The following WDR59 variants were observed in gnomAD, a reference collection of about 807,000 sequenced individuals.
WDR59 encodes the protein WD repeat domain 59.
A neutral mutation model predicts 131.2 loss-of-function variants in WDR59; 100 were observed. The observed-to-expected ratio is 0.76, with a 90% CI of 0.65 to 0.90. The LOEUF (loss-of-function observed/expected upper bound fraction) is 0.90, where lower values mean the gene tolerates loss of function less well. Among genes scored for constraint, WDR59 ranks in the 40% least tolerant of loss-of-function variants. The pLI is 0.00. For missense variants in WDR59, 1,203 were observed against 1,262.2 expected (o/e 0.95, Z 0.71); for synonymous variants, 601 against 466.2 (o/e 1.29, Z -3.72).
chr16:74,885,356 G>T (rs1333092218), intron 25 of WDR59, among the ~76,000 whole-genome samples: 1 of 132,420 alleles, frequency 7.6e-6, no homozygotes, highest in African/African-American at 2.6e-5. Context: ...GAGGCTTAGG[G>T]AGGAGAAGTT....
intron 20 of WDR59, among the ~76,000 whole-genome samples, chr16:74,890,142 T>C (rs13333082): frequency 0.015 from 2,321 of 152,290 alleles, 41 homozygotes; most frequent in African/African-American, 0.048. Context: ...CTAACTCATA[T>C]GACTTTTTAT....
chr16:74,893,706 A>G lies in WDR59; in HGVS notation c.1973T>C (p.Val658Ala). The change falls in exon 19 of 26, where the codon GTT (valine) becomes GCT (alanine). Residue 658 changes from valine (V) to alanine (A), a missense_variant. By Grantham distance (64) the Val-to-Ala change is moderately conservative. Transcript: ENST00000262144. ...GTACAGCTCTCCCAGCGATTTGTGA[A>G]CAGGCAGGAGGCAAGCAATATCCTG... ...IIQDIACLLP[V>A]HKSLGELYIL... The G allele has an allele frequency of 1.2e-6, 2 of 1,614,164 alleles. No individual in the cohort carries two copies. The highest frequency in any genetic ancestry group is 1.7e-6 in the Non-Finnish European group (2 of 1,180,016).
chr16:74,949,826 A>G, intron 4 of WDR59, 28 bp from the exon 5 acceptor site: 2 of 1,611,256 alleles, frequency 1.2e-6, no homozygotes, highest in Non-Finnish European at 1.7e-6. Context: ...AACAGAACAA[A>G]GAAAAGGAAA....
intron 25 of WDR59, among the ~76,000 whole-genome samples, chr16:74,874,892 GT>G (rs917317436): frequency 6.6e-6 from 1 of 151,354 alleles, no homozygotes; most frequent in Non-Finnish European, 1.5e-5. Flanking sequence ...TGCCCAGCCT[GT>G]TTTTTTTTGT....
chr16:74,930,955 G>A (rs11862983), intron 8 of WDR59, among the ~76,000 whole-genome samples: 44,747 of 147,490 alleles, frequency 0.3, 7,481 homozygotes, highest in African/African-American at 0.44. Flanking sequence ...GTAATGTCTC[G>A]GAGCAAGACT....
At chr16:74,924,625 T>C (rs2030593979) in intron 8 of WDR59, among the ~76,000 whole-genome samples, 1 of 152,188 alleles carries the variant, frequency 6.6e-6, no homozygotes, top group African/African-American at 2.4e-5. Flanking sequence ...CCACACAAAC[T>C]ACCTTAGAGA....
At chr16:74,932,099 T>G (rs2031443265) in intron 8 of WDR59, among the ~76,000 whole-genome samples, 1 of 150,644 alleles carries the variant, frequency 6.6e-6, no homozygotes, top group Admixed American at 6.7e-5. Context: ...TTATTTTATT[T>G]ATTTATTTTT....
At chr16:74,916,525 C>G (rs896977623) in intron 11 of WDR59, among the ~76,000 whole-genome samples, 3 of 152,100 alleles carry the variant, frequency 2.0e-5, no homozygotes, top group African/African-American at 7.2e-5. Flanking sequence ...AATTTAAACT[C>G]CAAGCTTTGA....
chr16:74,973,221 A>G (rs2034057234), intron 1 of WDR59, among the ~76,000 whole-genome samples: 1 of 152,200 alleles, frequency 6.6e-6, no homozygotes, highest in African/African-American at 2.4e-5. Flanking sequence ...AGCCTGAGCA[A>G]CAAGAGCAAA....
chr16:74,974,098 A>G (rs1372760690), intron 1 of WDR59, among the ~76,000 whole-genome samples: 1 of 152,234 alleles, frequency 6.6e-6, no homozygotes, highest in Non-Finnish European at 1.5e-5. Flanking sequence ...TCAACCCAGG[A>G]GGCAGAGTTT....
At chr16:74,981,543 G>C (rs2034403270) in intron 1 of WDR59, among the ~76,000 whole-genome samples, 1 of 145,970 alleles carries the variant, frequency 6.9e-6, no homozygotes, top group Non-Finnish European at 1.5e-5. Context: ...GGGTGACAGA[G>C]CAAGACCCTG....
At position 74,975,082 on chromosome 16, in the gene WDR59, C is replaced by T. The variant is rs181231962; in HGVS notation, c.55-9260G>A. Reference sequence around the variant, plus strand: ...TGTTTTATGAATGAAGGAAGTCAGTCGGGCGCAGAGGCTCACACCTGTAAT... The same window carrying T: ...TGTTTTATGAATGAAGGAAGTCAGTTGGGCGCAGAGGCTCACACCTGTAAT... On this transcript the variant is annotated intron_variant, in intron 1 of 25. Coordinates refer to ENST00000262144, the MANE Select transcript of WDR59 (RefSeq NM_030581.4). 4.9e-3 allele frequency among the ~76,000 whole-genome samples: 749 copies of T among 152,292 alleles called. 1 individual carries two copies. The highest frequency in any genetic ancestry group is 0.017 in the African/African-American group (703 of 41,572).
At chr16:74,945,749 G>T (rs8045295) in intron 6 of WDR59, among the ~76,000 whole-genome samples, 46,545 of 151,420 alleles carry the variant, frequency 0.31, 7,872 homozygotes, top group African/African-American at 0.46. Flanking sequence ...TCTACAGTGT[G>T]AGTCACTCCC....
At chr16:74,893,630 T>C (rs752516532) in intron 19 of WDR59, 49 bp downstream of exon 19, 2 of 1,534,434 alleles carry the variant, frequency 1.3e-6, no homozygotes, top group East Asian at 2.3e-5. Flanking sequence ...AAAGTTTTGC[T>C]AATCCTGGCT....
At chr16:74,963,234 C>G (rs1218300542) in intron 2 of WDR59, 1 of 152,046 alleles carries the variant, frequency 6.6e-6, no homozygotes, top group African/African-American at 2.4e-5. Context: ...GCCTGGGTGA[C>G]AGAGAGACTC....
At chr16:74,967,472 C>G (rs77658911) in intron 1 of WDR59, among the ~76,000 whole-genome samples, 2,337 of 152,262 alleles carry the variant, frequency 0.015, 55 homozygotes, top group African/African-American at 0.053. Flanking sequence ...ATACACACCT[C>G]TTCCCTGCTA....
chr16:74,941,309 C>A (rs547473431), intron 7 of WDR59, among the ~76,000 whole-genome samples: 1 of 146,882 alleles, frequency 6.8e-6, no homozygotes, highest in African/African-American at 2.5e-5. Flanking sequence ...CTACTACACT[C>A]CAGTCTGGGT....
intron 6 of WDR59, among the ~76,000 whole-genome samples, chr16:74,947,239 G>A (rs1001333259): frequency 7.2e-5 from 11 of 152,026 alleles, no homozygotes; most frequent in African/African-American, 9.7e-5. Context: ...ACCTGAGGTC[G>A]GGAGTTCAAG....
Position 74,904,007 on chromosome 16 carries a change from C to T in WDR59, c.1806G>A (p.Gly602=). ...GCTCTTTCTCGCTGCGAGTGGGGCT[C>T]CCACTGTATAAACGAAGGTTCCCAG... ...EAPGNLRLYS[G]SPTRSEKEQV... Residue 602 remains glycine, a synonymous_variant, in exon 18 of 26, where the codon GGG becomes GGA. Transcript: ENST00000262144. The T allele has an allele frequency of 6.2e-7, 1 of 1,611,954 alleles. No homozygotes were observed. The highest frequency in any genetic ancestry group is 8.5e-7 in the Non-Finnish European group (1 of 1,179,438).
Sources: gnomAD v4.1 joint callset for allele counts (sites outside exome capture counted in the v4.1 genomes callset) on GRCh38, gnomAD v4.1.1 for gene constraint, MANE v1.5 for transcripts, NCBI Gene and HGNC (gene_info 2026-07-23, HGNC 2026-07-21) for gene names.